Variants in ZMYM4 observed in about 807,000 individuals in gnomAD.
ZMYM4 encodes zinc finger MYM-type containing 4.
Under a neutral mutation model 183.2 loss-of-function variants are expected in ZMYM4, and 31 were observed. The ratio of observed to expected loss-of-function variants is 0.17; its 90% CI spans 0.13 to 0.23. ZMYM4 has a LOEUF of 0.23. ZMYM4 is among the 10% of genes least tolerant of loss of function. The pLI is 1.00. For synonymous variants in ZMYM4, 592 were observed against 631.2 expected (o/e 0.94, Z 0.93); for missense variants, 1,273 against 1,840.3 (o/e 0.69, Z 5.64).
At chr1:35,349,830 TAAAAAAAA>T (rs80243856) in intron 2 of ZMYM4, among the ~76,000 whole-genome samples, 3 of 128,476 alleles carry the variant, frequency 2.3e-5, no homozygotes, top group Non-Finnish European at 5.1e-5. Context: ...ACTCTGTCTT[TAAAAAAAA>T]AAAAAAAAAA....
intron 28 of ZMYM4, 129 bp downstream of exon 28, chr1:35,415,843 TC>T: frequency 7.8e-7 from 1 of 1,284,390 alleles, no homozygotes; most frequent in Non-Finnish European, 1.0e-6. Flanking sequence ...TGAATATTTT[TC>T]TCTATTGTCA....
At chr1:35,331,833 A>AATAG (rs1452689365) in intron 2 of ZMYM4, among the ~76,000 whole-genome samples, 14 of 149,576 alleles carry the variant, frequency 9.4e-5, no homozygotes, top group Middle Eastern at 3.4e-3. Flanking sequence ...TAAATAAATA[A>AATAG]ATAAAATTGT....
intron 7 of ZMYM4, among the ~76,000 whole-genome samples, chr1:35,377,566 A>C (rs575465480): frequency 6.6e-6 from 1 of 152,364 alleles, no homozygotes; most frequent in African/African-American, 2.4e-5. Context: ...CAATAAAGTG[A>C]GTGATATTAA....
chr1:35,414,119 G>T, intron 27 of ZMYM4, 36 bp downstream of exon 27: 1 of 1,250,670 alleles, frequency 8.0e-7, no homozygotes, highest in Non-Finnish European at 1.1e-6. Flanking sequence ...TTCATGATAT[G>T]CTTTCTTAAA....
In ZMYM4 at chr1:35,415,670, A is replaced by G. The variant is rs1309727940; in HGVS notation, c.4265A>G (p.Tyr1422Cys). ...RTLKYSTKMT[Y>C]LRFFPPLQKQ... ...CTGAAGTACAGTACCAAGATGACAT[A>G]TCTGAGGTTCTTCCCACCTTTACAG... Residue 1422 changes from tyrosine (Y) to cysteine (C), a missense_variant, in exon 28 of 30, where the codon TAT becomes TGT. This residue lies in a region of ZMYM4 where 145 missense variants were observed against 331.6 expected (regional missense o/e 0.44). Transcript: ENST00000314607. 6.2e-7 allele frequency: 1 copy of G among 1,613,956 alleles called. No homozygotes were observed. The highest frequency in any genetic ancestry group is 8.5e-7 in the Non-Finnish European group (1 of 1,180,050).
intron 1 of ZMYM4, among the ~76,000 whole-genome samples, chr1:35,281,415 CAT>C (rs1362551167): frequency 8.6e-5 from 13 of 152,044 alleles, no homozygotes; most frequent in Admixed American, 8.5e-4. Context: ...CAATAGAACT[CAT>C]AGAAGCAGAG....
At position 35,333,874 on chromosome 1, in the gene ZMYM4, C is replaced by T. The variant is rs545034245; in HGVS notation, c.85+8469C>T. ...AGCTCTCTATTCTGTGATTTTAATG[C>T]ACAATAAGTCATCTTCTGCTTTGTT... On this transcript the variant is annotated intron_variant, in intron 2 of 29. Coordinates refer to ENST00000314607, the MANE Select transcript of ZMYM4 (RefSeq NM_005095.3). 5.9e-5 allele frequency among the ~76,000 whole-genome samples: 9 copies of T among 152,170 alleles called. No homozygotes were observed. The South Asian group carries it at 1.7e-3, about 28-fold the overall frequency.
intron 2 of ZMYM4, among the ~76,000 whole-genome samples, chr1:35,340,096 G>T (rs976165364): frequency 6.6e-6 from 1 of 152,062 alleles, no homozygotes; most frequent in Non-Finnish European, 1.5e-5. Context: ...AAATATCTTG[G>T]GAAGTTTCTG....
At chr1:35,358,870 C>A in intron 2 of ZMYM4, 55 bp from the exon 3 acceptor site, 1 of 1,421,098 alleles carries the variant, frequency 7.0e-7, no homozygotes, top group Non-Finnish European at 9.7e-7. Flanking sequence ...CTGACCTTAT[C>A]ATTGTGGTCA....
At chr1:35,302,692 A>T (rs1641346732) in intron 1 of ZMYM4, among the ~76,000 whole-genome samples, 1 of 151,662 alleles carries the variant, frequency 6.6e-6, no homozygotes, top group South Asian at 2.1e-4. Flanking sequence ...GCCTAATTTG[A>T]CTATTTTTTT....
At chr1:35,287,082 C>T (rs926862808) in intron 1 of ZMYM4, among the ~76,000 whole-genome samples, 5 of 151,866 alleles carry the variant, frequency 3.3e-5, no homozygotes, top group Admixed American at 2.0e-4. Context: ...CTTCCTTCCT[C>T]GACTTTTTCC....
chr1:35,283,976 GTT>G (rs1007023907), intron 1 of ZMYM4, among the ~76,000 whole-genome samples: 1 of 142,594 alleles, frequency 7.0e-6, no homozygotes. Context: ...TTGTTTTTTT[GTT>G]TTTTTTTTTG....
chr1:35,274,594 A>G (rs1639774735), intron 1 of ZMYM4, among the ~76,000 whole-genome samples: 2 of 150,132 alleles, frequency 1.3e-5, no homozygotes, highest in Admixed American at 6.7e-5. Context: ...TGACAGAGCA[A>G]GAGAGACACT....
At position 35,398,945 on chromosome 1, in the gene ZMYM4, A is replaced by G. The variant is rs1166015385; in HGVS notation, c.3335A>G (p.Tyr1112Cys). 10 of 1,614,062 alleles carry G rather than the reference A, an allele frequency of 6.2e-6. No homozygotes were observed. The highest frequency in any genetic ancestry group is 1.3e-5 in the African/African-American group (1 of 74,940). Reference protein sequence around the residue: ...PHSWEEELNHYALKSNAVQEA... With the variant: ...PHSWEEELNHCALKSNAVQEA... ...AGCTGGGAGGAAGAGCTGAATCACT[A>G]TGCCTTAAAGTCAAATGCTGTGCAA... is the stretch of plus-strand genomic sequence containing the variant. The change falls in exon 22 of 30, where the codon TAT becomes TGT. Residue 1112 changes from tyrosine to cysteine, a missense_variant. Coordinates refer to ENST00000314607, the MANE Select transcript of ZMYM4 (RefSeq NM_005095.3).
At position 35,387,111 on chromosome 1, in the gene ZMYM4, A is replaced by G. The variant is rs1267878328; in HGVS notation, c.1945A>G (p.Ser649Gly). 2 of 1,614,118 alleles carry G rather than the reference A, an allele frequency of 1.2e-6. No homozygotes were observed. The highest frequency in any genetic ancestry group is 1.7e-5 in the Admixed American group (1 of 60,012). The change falls in exon 12 of 30, where the codon AGC becomes GGC. Residue 649 changes from serine (S) to glycine (G), a missense_variant. Ser to Gly is a moderately conservative substitution (Grantham distance 56). Transcript: ENST00000314607. ...TGSTVSAGGG[S>G]TSAVSPTSIS... ...TTCCACAGTGTCAGCCGGAGGAGGT[A>G]GCACATCTGCTGTTTCTCCCACCTC...
rs12732757 is a variant in ZMYM4 at position 35,329,991 on chromosome 1, G to A, written c.85+4586G>A. Among the ~76,000 whole-genome samples the A allele has an allele frequency of 1.7e-3, 254 of 152,282 alleles. 3 individuals carry two copies. The highest frequency in any genetic ancestry group is 5.4e-3 in the African/African-American group (225 of 41,548). On this transcript the variant is annotated intron_variant, in intron 2 of 29. Coordinates refer to ENST00000314607, the MANE Select transcript of ZMYM4 (RefSeq NM_005095.3). Reference sequence around the variant, plus strand: ...AGTACTTTGGGAGGCTGAAGCAAGAGGATTGCATGAACCCAGGAGTTCAAA... The same window carrying A: ...AGTACTTTGGGAGGCTGAAGCAAGAAGATTGCATGAACCCAGGAGTTCAAA...
rs571239472 is a variant in ZMYM4 at position 35,350,530 on chromosome 1, G to A, written c.86-8395G>A. ...TCGAACTCCTGACCTCAGGTAATCC[G>A]CCCACCCCACCCTCCCAAGATGCTG... On this transcript the variant is annotated intron_variant, in intron 2 of 29. Coordinates refer to ENST00000314607, the MANE Select transcript of ZMYM4 (RefSeq NM_005095.3). 2.6e-5 allele frequency among the ~76,000 whole-genome samples: 4 copies of A among 152,110 alleles called. No homozygotes were observed. In the East Asian group the frequency reaches 7.7e-4, roughly 29 times the overall value.
At chr1:35,272,722 T>G (rs1462200773) in intron 1 of ZMYM4, among the ~76,000 whole-genome samples, 1 of 152,056 alleles carries the variant, frequency 6.6e-6, no homozygotes, top group East Asian at 1.9e-4. Flanking sequence ...TTTGTTGTTG[T>G]TTTTGAGATG....
At chr1:35,312,684 C>T (rs1641857050) in intron 1 of ZMYM4, among the ~76,000 whole-genome samples, 1 of 148,494 alleles carries the variant, frequency 6.7e-6, no homozygotes, top group Non-Finnish European at 1.5e-5. Flanking sequence ...TCCCTTCTTT[C>T]TTTTCTTTCT....
Sources: allele counts gnomAD v4.1 joint callset (sites outside exome capture counted in the v4.1 genomes callset), GRCh38; gene constraint gnomAD v4.1.1; regional missense constraint gnomAD v4.1.1; transcripts MANE v1.5; gene names NCBI Gene and HGNC (gene_info 2026-07-23, HGNC 2026-07-21).